Variants in FYB2 observed in about 807,000 individuals in gnomAD.
FYB2 encodes the protein FYN binding protein 2.
In FYB2, 103 loss-of-function variants were observed where a neutral mutation model predicts 94.1. That is an observed-to-expected ratio of 1.09 (90% CI 0.93 to 1.29). The LOEUF is 1.29. FYB2 is among the 50% of genes most tolerant of loss of function. The pLI is 0.00. For missense variants in FYB2, 896 were observed against 841.5 expected (o/e 1.06, Z -0.80); for synonymous variants, 293 against 287.9 (o/e 1.02, Z -0.18).
chr1:56,820,568 G>A (rs1316224728), upstream of FYB2, among the ~76,000 whole-genome samples: 2 of 152,168 alleles, frequency 1.3e-5, no homozygotes, highest in African/African-American at 2.4e-5. Context: ...GGAGAGGCGG[G>A]GTGGAGCACA....
At chr1:56,730,373 A>G in intron 15 of FYB2, among the ~76,000 whole-genome samples, 1 of 88,270 alleles carries the variant, frequency 1.1e-5, no homozygotes, top group African/African-American at 4.6e-5. Context: ...ACGGGAGGAG[A>G]GGGGGAAAGG....
At chr1:56,758,969 A>G (rs890927056) in intron 5 of FYB2, among the ~76,000 whole-genome samples, 2 of 152,196 alleles carry the variant, frequency 1.3e-5, no homozygotes, top group Non-Finnish European at 2.9e-5. Flanking sequence ...TTTACAGTCG[A>G]TGAAGCATGT....
chr1:56,774,004 A>G (rs1645819868), intron 4 of FYB2, among the ~76,000 whole-genome samples: 1 of 152,204 alleles, frequency 6.6e-6, no homozygotes, highest in African/African-American at 2.4e-5. Context: ...CTTCCCTTGA[A>G]TGAAATGATT....
At chr1:56,761,524 C>T (rs965091800) in intron 5 of FYB2, among the ~76,000 whole-genome samples, 1 of 152,188 alleles carries the variant, frequency 6.6e-6, no homozygotes, top group Non-Finnish European at 1.5e-5. Context: ...TCAAAAAATT[C>T]TCTGGGGCCT....
chr1:56,749,375 C>G (rs1645143818), intron 9 of FYB2, among the ~76,000 whole-genome samples: 1 of 151,834 alleles, frequency 6.6e-6, no homozygotes, highest in African/African-American at 2.4e-5. Context: ...TTTATCCTCT[C>G]TTTTACTCTT....
At chr1:56,737,898 A>AT (rs1644864912) in intron 14 of FYB2, among the ~76,000 whole-genome samples, 2 of 151,948 alleles carry the variant, frequency 1.3e-5, no homozygotes, top group Admixed American at 1.3e-4. Context: ...GAGATGTGGG[A>AT]TTTTATCAGG....
intron 1 of FYB2, among the ~76,000 whole-genome samples, chr1:56,814,748 C>T (rs751825390): frequency 3.9e-5 from 6 of 152,170 alleles, no homozygotes; most frequent in African/African-American, 9.7e-5. Flanking sequence ...TAAGAGCAGA[C>T]CATCCTTATA....
intron 4 of FYB2, among the ~76,000 whole-genome samples, chr1:56,777,478 A>G (rs1023436204): frequency 8.5e-5 from 13 of 152,194 alleles, no homozygotes; most frequent in African/African-American, 3.1e-4. Flanking sequence ...GAAATATTAG[A>G]CCATCTCTCT....
intron 9 of FYB2, among the ~76,000 whole-genome samples, chr1:56,749,433 G>C (rs1240067585): frequency 6.6e-6 from 1 of 151,476 alleles, no homozygotes; most frequent in African/African-American, 2.4e-5. Flanking sequence ...AATTTCTTTA[G>C]ATTTATCTTT....
intron 1 of FYB2, among the ~76,000 whole-genome samples, chr1:56,805,977 C>A (rs1038171173): frequency 2.0e-5 from 3 of 152,170 alleles, no homozygotes; most frequent in Non-Finnish European, 4.4e-5. Context: ...ACTAATACAT[C>A]TGTGGTGTTT....
chr1:56,756,252 A>G (rs1182911206), intron 6 of FYB2, among the ~76,000 whole-genome samples: 1 of 152,170 alleles, frequency 6.6e-6, no homozygotes, highest in Non-Finnish European at 1.5e-5. Context: ...GAAAATATGA[A>G]TTTGTGGGAT....
chr1:56,763,140 C>T (rs904702901), intron 5 of FYB2, among the ~76,000 whole-genome samples: 6 of 152,048 alleles, frequency 3.9e-5, no homozygotes, highest in African/African-American at 1.2e-4. Flanking sequence ...AATTCATTTT[C>T]TATGTTGCTG....
intron 1 of FYB2, among the ~76,000 whole-genome samples, chr1:56,812,771 G>C (rs1646795606): frequency 6.6e-6 from 1 of 152,104 alleles, no homozygotes; most frequent in African/African-American, 2.4e-5. Context: ...TCTTGGGAAA[G>C]GTCAAAATAA....
rs766542150 is a variant in FYB2, at chr1:56,720,251, T to A, written c.2053A>T (p.Ile685Leu). The A allele has an allele frequency of 6.2e-7, 1 of 1,612,324 alleles. No homozygotes were observed. Among genetic ancestry groups the A allele is most frequent in the Admixed American group, 1.7e-5 (1 of 59,880 alleles). Residue 685 changes from isoleucine to leucine, a missense_variant, in exon 18 of 20, where the codon ATA (isoleucine) becomes TTA (leucine). Coordinates refer to ENST00000343433, the MANE Select transcript of FYB2 (RefSeq NM_001004303.5). ...NSRNGIFDLP[I>L]SPGEELEVID... ...ACTTCCAATTCTTCTCCAGGACTTATTGGCAAATCAAATATTCCATTTCTT... is the reference window on the plus strand; with the variant it reads ...ACTTCCAATTCTTCTCCAGGACTTAATGGCAAATCAAATATTCCATTTCTT...
rs753628458 is a variant in FYB2, at chr1:56,740,689, C to T, written c.1703+8G>A. ...CCTCGTGGAAAGGGATTTAAAGGGA[C>T]TTTTTACCTTAAGTTTTCTTTCGAC... is the stretch of plus-strand genomic sequence containing the variant. On this transcript the variant is annotated splice_region_variant and intron_variant, in intron 13 of 19. Transcript: ENST00000343433. 1.9e-6 allele frequency: 3 copies of T among 1,549,094 alleles called. No individual in the cohort carries two copies. The highest frequency in any genetic ancestry group is 2.7e-6 in the Non-Finnish European group (3 of 1,127,698).
intron 3 of FYB2, among the ~76,000 whole-genome samples, chr1:56,788,025 C>A (rs941534959): frequency 1.3e-5 from 2 of 152,148 alleles, no homozygotes; most frequent in East Asian, 3.9e-4. Flanking sequence ...GGTCCATGGA[C>A]CAGCAGCCTC....
chr1:56,782,443 C>A (rs1646030763), intron 4 of FYB2, among the ~76,000 whole-genome samples: 1 of 152,100 alleles, frequency 6.6e-6, no homozygotes, highest in Admixed American at 6.6e-5. Context: ...CTATTCCTCA[C>A]TTCCACAGGA....
At chr1:56,805,709 A>T (rs1479542206) in intron 1 of FYB2, among the ~76,000 whole-genome samples, 8 of 152,116 alleles carry the variant, frequency 5.3e-5, no homozygotes, top group Non-Finnish European at 8.8e-5. Context: ...CACGGGGGCA[A>T]ATCTTTCCTG....
At chr1:56,787,035 T>C (rs1186344416) in intron 4 of FYB2, 140 bp downstream of exon 4, 15 of 885,914 alleles carry the variant, frequency 1.7e-5, no homozygotes, top group South Asian at 7.5e-5. Flanking sequence ...AGTTACACTT[T>C]GTTGCTTATA....
Sources: gnomAD v4.1 joint callset for allele counts (sites outside exome capture counted in the v4.1 genomes callset) on GRCh38, gnomAD v4.1.1 for gene constraint, MANE v1.5 for transcripts, NCBI Gene and HGNC (gene_info 2026-07-23, HGNC 2026-07-21) for gene names.